The following CNTNAP2 variants were observed in gnomAD, a reference collection of about 807,000 sequenced individuals.
CNTNAP2 encodes contactin associated protein 2.
CNTNAP2 carries 98 observed loss-of-function variants against 155.2 expected under a neutral mutation model. The observed-to-expected ratio is 0.63, with a 90% CI of 0.54 to 0.75. CNTNAP2 has a LOEUF of 0.75. Among genes scored for constraint, CNTNAP2 ranks in the 30% least tolerant of loss-of-function variants. CNTNAP2 has a pLI of 0.00. For missense variants in CNTNAP2, 1,727 were observed against 1,688.1 expected (o/e 1.02, Z -0.40); for synonymous variants, 651 against 631.2 (o/e 1.03, Z -0.47).
rs570309896 is a variant in CNTNAP2, at chr7:148,266,700, G to A, written c.3382-333G>A. On this transcript the variant is annotated intron_variant, in intron 20 of 23. Coordinates refer to ENST00000361727, the MANE Select transcript of CNTNAP2 (RefSeq NM_014141.6). The stretch of plus-strand genomic sequence containing the variant: ...AGATGTGGCATATTCCCTATCAGAG[G>A]CTGACACTGGAGATTGGATCAAGCA... Among the ~76,000 whole-genome samples the A allele has an allele frequency of 1.6e-3, 243 of 152,234 alleles. 11 individuals carry two copies. The South Asian group carries it at 0.048, about 30-fold the overall frequency.
At chr7:148,182,929 G>T (rs1439967841) in intron 18 of CNTNAP2, among the ~76,000 whole-genome samples, 3 of 152,132 alleles carry the variant, frequency 2.0e-5, no homozygotes, top group Non-Finnish European at 4.4e-5. Context: ...GTTCTATAAG[G>T]CAAAGACTCT....
chr7:146,580,208 T>C (rs956248329), intron 1 of CNTNAP2, among the ~76,000 whole-genome samples: 3 of 152,126 alleles, frequency 2.0e-5, no homozygotes, highest in Admixed American at 6.6e-5. Flanking sequence ...TCCATAACTA[T>C]CAATTTCATA....
At chr7:148,406,818 T>C (rs1459456747) in intron 22 of CNTNAP2, among the ~76,000 whole-genome samples, 1 of 152,244 alleles carries the variant, frequency 6.6e-6, no homozygotes, top group Non-Finnish European at 1.5e-5. Flanking sequence ...GCTTATGGTT[T>C]ATGGGTAGCA....
At chr7:146,476,939 G>A (rs1004666870) in intron 1 of CNTNAP2, among the ~76,000 whole-genome samples, 2 of 152,110 alleles carry the variant, frequency 1.3e-5, no homozygotes, top group African/African-American at 4.8e-5. Context: ...CAAAGGTAGA[G>A]AATAAAATTA....
intron 1 of CNTNAP2, among the ~76,000 whole-genome samples, chr7:146,260,974 G>T (rs1013512980): frequency 1.3e-5 from 2 of 152,154 alleles, no homozygotes; most frequent in African/African-American, 4.8e-5. Context: ...GGAGAGACTT[G>T]GTGAGAGGTG....
chr7:146,765,058 A>G (rs1802171139), intron 1 of CNTNAP2, among the ~76,000 whole-genome samples: 2 of 152,158 alleles, frequency 1.3e-5, no homozygotes, highest in Admixed American at 6.5e-5. Flanking sequence ...TTTCAATGAT[A>G]CAGAATGAAA....
intron 15 of CNTNAP2, among the ~76,000 whole-genome samples, chr7:148,052,958 A>G (rs1448950160): frequency 6.6e-6 from 1 of 152,188 alleles, no homozygotes; most frequent in East Asian, 1.9e-4. Flanking sequence ...GAGCCAGGAG[A>G]ATCGCTTGAA....
At chr7:148,078,493 T>C (rs1343827915) in intron 15 of CNTNAP2, among the ~76,000 whole-genome samples, 1 of 152,026 alleles carries the variant, frequency 6.6e-6, no homozygotes, top group Non-Finnish European at 1.5e-5. Flanking sequence ...AGAATATATA[T>C]ATATTAGGCC....
chr7:147,707,745 G>C (rs536363002), intron 13 of CNTNAP2, among the ~76,000 whole-genome samples: 84 of 152,316 alleles, frequency 5.5e-4, no homozygotes, highest in Non-Finnish European at 9.3e-4. Context: ...CAATCATCTA[G>C]CTCTGAAGTG....
chr7:146,383,815 A>G (rs1320724368), intron 1 of CNTNAP2, among the ~76,000 whole-genome samples: 2 of 152,212 alleles, frequency 1.3e-5, no homozygotes, highest in South Asian at 2.1e-4. Flanking sequence ...AACTATCACT[A>G]TGAAAGTGGA....
chr7:147,094,567 A>AT (rs769148177), intron 4 of CNTNAP2, among the ~76,000 whole-genome samples: 13,840 of 145,706 alleles, frequency 0.095, 723 homozygotes, highest in Middle Eastern at 0.15. Context: ...ACGCCTGGCT[A>AT]TTTTTTTTTT....
chr7:147,584,726 C>T (rs1361634021), intron 12 of CNTNAP2, among the ~76,000 whole-genome samples: 1 of 152,222 alleles, frequency 6.6e-6, no homozygotes, highest in Non-Finnish European at 1.5e-5. Context: ...TTCAGAGCTT[C>T]TTGCCTCTTC....
At chr7:146,870,884 G>C (rs1795292142) in intron 3 of CNTNAP2, among the ~76,000 whole-genome samples, 2 of 152,086 alleles carry the variant, frequency 1.3e-5, no homozygotes, top group Admixed American at 1.3e-4. Context: ...GAGCTTTTAA[G>C]CTTATAGTAG....
At chr7:147,274,684 GTTAT>G (rs1484241922) in intron 8 of CNTNAP2, among the ~76,000 whole-genome samples, 1 of 151,868 alleles carries the variant, frequency 6.6e-6, no homozygotes, top group Non-Finnish European at 1.5e-5. Flanking sequence ...TTAATTGCAT[GTTAT>G]TTGTCTATTT....
intron 2 of CNTNAP2, among the ~76,000 whole-genome samples, chr7:146,830,891 C>G (rs1466182234): frequency 1.3e-5 from 2 of 152,224 alleles, no homozygotes; most frequent in Non-Finnish European, 2.9e-5. Context: ...GAGCGCTCTT[C>G]AAGCTGACAT....
intron 13 of CNTNAP2, among the ~76,000 whole-genome samples, chr7:147,822,776 A>G (rs1195604307): frequency 6.6e-6 from 1 of 152,184 alleles, no homozygotes; most frequent in African/African-American, 2.4e-5. Context: ...TGTATATGAC[A>G]TCGCTAAGAC....
chr7:147,589,698 C>T (rs191617101), intron 12 of CNTNAP2, among the ~76,000 whole-genome samples: 11 of 152,182 alleles, frequency 7.2e-5, no homozygotes, highest in African/African-American at 2.4e-4. Flanking sequence ...CATTAATAAG[C>T]TTTTGGATTC....
intron 21 of CNTNAP2, among the ~76,000 whole-genome samples, chr7:148,325,571 G>A (rs574074974): frequency 5.9e-5 from 9 of 152,338 alleles, no homozygotes; most frequent in Non-Finnish European, 1.3e-4. Flanking sequence ...TTGCACAGGA[G>A]ATGGCCAAAG....
chr7:148,264,471 A>G lies in CNTNAP2; in HGVS notation c.3382-2562A>G, dbSNP rs552738952. Among the ~76,000 whole-genome samples, 5 of 152,280 alleles carry G rather than the reference A, an allele frequency of 3.3e-5. No homozygotes were observed. In the East Asian group the frequency reaches 9.6e-4, roughly 29 times the overall value. The stretch of plus-strand genomic sequence containing the variant: ...TTTTTATCGACACAGAGCGACATTC[A>G]TAATATATCATCAAGTTAAAAAATA... On this transcript the variant is annotated intron_variant, in intron 20 of 23. Transcript: ENST00000361727.
Sources: gnomAD v4.1 joint callset for allele counts (sites outside exome capture counted in the v4.1 genomes callset) on GRCh38, gnomAD v4.1.1 for gene constraint, MANE v1.5 for transcripts, NCBI Gene and HGNC (gene_info 2026-07-23, HGNC 2026-07-21) for gene names.